The following SGCA variants were observed in gnomAD, a reference collection of about 807,000 sequenced individuals.
The protein encoded by SGCA is sarcoglycan alpha.
SGCA carries 34 observed loss-of-function variants against 38.1 expected under a neutral mutation model. The ratio of observed to expected loss-of-function variants is 0.89; its 90% CI spans 0.68 to 1.19. The LOEUF is 1.19. Among genes scored for constraint, SGCA ranks in the 50% most tolerant of loss-of-function variants. The probability of loss-of-function intolerance (pLI) is 0.00; values close to 1 mark genes in which losing one functional copy is unlikely to be tolerated. For missense variants in SGCA, 476 were observed against 524.9 expected (o/e 0.91, Z 0.91); for synonymous variants, 209 against 214.6 (o/e 0.97, Z 0.23).
At position 50,166,079 on chromosome 17, in the gene SGCA, C is replaced by G. The variant is rs112500642; in HGVS notation, c.37+2C>G. On this transcript the variant is annotated splice_donor_variant, in intron 1 of 9. Transcript: ENST00000262018. LOFTEE classifies it high-confidence loss of function. ...TCTTCTGGACTCCTCTCCTCGTGGG[C>G]AAGTTGGGGCCTTGTTCAGCGGGGA... 1.2e-6 allele frequency: 2 copies of G among 1,612,758 alleles called. No individual in the cohort carries two copies. The highest frequency in any genetic ancestry group is 1.7e-6 in the Non-Finnish European group (2 of 1,178,826).
rs755825098 is a variant in SGCA, at chr17:50,170,365, T to C, written c.956+14T>C. ...GCGGGAGGGAAGGTGAATGTGGGCA[T>C]GAAGGGCGGGGGAGCACCTGCTGGA... On this transcript the variant is annotated intron_variant, in intron 7 of 9. Coordinates refer to ENST00000262018, the MANE Select transcript of SGCA (RefSeq NM_000023.4). 4.3e-6 allele frequency: 7 copies of C among 1,611,154 alleles called. No individual in the cohort carries two copies. The highest frequency in any genetic ancestry group is 4.2e-6 in the Non-Finnish European group (5 of 1,177,708).
chr17:50,169,046 G>T, intron 5 of SGCA, 46 bp from the exon 6 acceptor site: 1 of 1,587,172 alleles, frequency 6.3e-7, no homozygotes, highest in Non-Finnish European at 8.6e-7. Context: ...GGTGCCTCGT[G>T]CCCCCTGCCC....
At position 50,167,380 on chromosome 17, in the gene SGCA, G is replaced by A; in HGVS notation, c.50G>A (p.Gly17Glu). 1.2e-6 allele frequency: 2 copies of A among 1,614,120 alleles called. No homozygotes were observed. The highest frequency in any genetic ancestry group is 1.6e-4 in the Middle Eastern group (1 of 6,062). Residue 17 changes from glycine (G) to glutamate (E), a missense_variant, in exon 2 of 10, where the codon GGG (glycine) becomes GAG (glutamate). Gly to Glu is a moderately conservative substitution (Grantham distance 98). Coordinates refer to ENST00000262018, the MANE Select transcript of SGCA (RefSeq NM_000023.4). This position sits in a 1 kb window ranked among gnomAD's most constrained non-coding sequence, Gnocchi z 4.5. ...GGGGTCCCCACAGTTCTCCTGGCAG[G>A]GCTGGGGGACACCGAGGCCCAGCAG... ...WTPLLVVLLAGLGDTEAQQTT... is the reference protein window; with the variant it reads ...WTPLLVVLLAELGDTEAQQTT...
intron 6 of SGCA, chr17:50,169,463 T>G: frequency 3.8e-6 from 2 of 532,788 alleles, no homozygotes; most frequent in South Asian, 2.5e-5. Flanking sequence ...AGTTCTACCT[T>G]TCCCCCACAA....
rs112764774 is a variant in SGCA at position 50,173,537 on chromosome 17, C to T, written c.984-1720C>T. Among the ~76,000 whole-genome samples the T allele has an allele frequency of 1.8e-3, 273 of 152,318 alleles. 1 individual carries two copies. Among genetic ancestry groups the T allele is most frequent in the African/African-American group, 6.0e-3 (250 of 41,562 alleles). On this transcript the variant is annotated intron_variant, in intron 8 of 9. Transcript: ENST00000262018. ...TGCTCTTGCTCTAGAAAAACATCCC[C>T]AGCACATTTTTCCACCTGTGTGTTG...
At chr17:50,172,074 G>A (rs773123421) in intron 8 of SGCA, 10 of 453,680 alleles carry the variant, frequency 2.2e-5, no homozygotes, top group East Asian at 7.0e-5. Flanking sequence ...CCTCCAGGGC[G>A]GCTGGAAGTC....
At position 50,167,811 on chromosome 17, in the gene SGCA, A is replaced by G; in HGVS notation, c.312+75A>G. The G allele has an allele frequency of 6.4e-7, 1 of 1,574,766 alleles. No individual in the cohort carries two copies. Among genetic ancestry groups the G allele is most frequent in the Non-Finnish European group, 8.7e-7 (1 of 1,145,366 alleles). The stretch of plus-strand genomic sequence containing the variant: ...CCTAGGAGCAGCCCTATGAATTGGG[A>G]TTGGGTGCTCATTCACAGTCATTTA... On this transcript the variant is annotated intron_variant, in intron 3 of 9. Transcript: ENST00000262018. This position sits in a 1 kb window ranked among gnomAD's most constrained non-coding sequence, Gnocchi z 4.5.
Position 50,167,217 on chromosome 17 carries a change from C to G in SGCA, c.38-151C>G. The G allele has an allele frequency of 4.5e-6, 5 of 1,102,670 alleles. No individual in the cohort carries two copies. Among genetic ancestry groups the G allele is most frequent in the Non-Finnish European group, 5.2e-6 (4 of 769,354 alleles). The allele number at this position is 1,102,670 out of a possible 1,614,324, so 68.3% of individuals were successfully genotyped here. A position where few individuals can be genotyped will look rare whatever the true frequency, so the allele number is the denominator to read the frequency against. ...TCTAGCCCAGCAGGGCTTGCTCCCC[C>G]ATCCCCACCCCAATCCCTTCCTGGG... On this transcript the variant is annotated intron_variant, in intron 1 of 9. Coordinates refer to ENST00000262018, the MANE Select transcript of SGCA (RefSeq NM_000023.4). The surrounding 1 kb of genome is among the most constrained non-coding windows in gnomAD (Gnocchi z 4.5).
rs752418232 is a variant in SGCA, at chr17:50,170,364, A to G, written c.956+13A>G. 1.2e-6 allele frequency: 2 copies of G among 1,611,572 alleles called. No individual in the cohort carries two copies. The highest frequency in any genetic ancestry group is 3.3e-5 in the Admixed American group (2 of 59,988). ...GGCGGGAGGGAAGGTGAATGTGGGCATGAAGGGCGGGGGAGCACCTGCTGG... is the reference window on the plus strand; with the variant it reads ...GGCGGGAGGGAAGGTGAATGTGGGCGTGAAGGGCGGGGGAGCACCTGCTGG... On this transcript the variant is annotated intron_variant, in intron 7 of 9. Coordinates refer to ENST00000262018, the MANE Select transcript of SGCA (RefSeq NM_000023.4).
At chr17:50,174,565 T>C (rs1370507060) in intron 8 of SGCA, among the ~76,000 whole-genome samples, 4 of 152,138 alleles carry the variant, frequency 2.6e-5, no homozygotes, top group Admixed American at 6.5e-5. Context: ...CAGGCTGGCC[T>C]TGAACTCTTG....
At chr17:50,170,777 AT>A in intron 8 of SGCA, 111 bp downstream of exon 8, 14 of 902,810 alleles carry the variant, frequency 1.6e-5, no homozygotes, top group Non-Finnish European at 1.8e-5. Flanking sequence ...CTCCAGGGTG[AT>A]GCTCACCCCT....
In SGCA at chr17:50,170,126, C is replaced by G. The variant is rs1241612433; in HGVS notation, c.748-17C>G. The G allele has an allele frequency of 6.2e-7, 1 of 1,612,358 alleles. No individual in the cohort carries two copies. The highest frequency in any genetic ancestry group is 8.5e-7 in the Non-Finnish European group (1 of 1,178,572). ...CAGCCAGCCACTTCCTGCGTCAGCC[C>G]TGAGCTCTCTGTGCAGGTGGATAAG... On this transcript the variant is annotated splice_polypyrimidine_tract_variant and intron_variant, in intron 6 of 9. Transcript: ENST00000262018.
At chr17:50,171,397 A>G in intron 8 of SGCA, 1 of 416,736 alleles carries the variant, frequency 2.4e-6, no homozygotes, top group Non-Finnish European at 4.8e-6. Flanking sequence ...CTCTCCCAAT[A>G]CCCTGAACCC....
intron 4 of SGCA, 127 bp downstream of exon 4, chr17:50,168,146 G>A (rs1016090831): frequency 4.2e-6 from 4 of 943,040 alleles, no homozygotes; most frequent in East Asian, 5.0e-5. Flanking sequence ...TGGAAAGTGG[G>A]GACAAGGCTC....
chr17:50,171,994 G>A (rs746390681), intron 8 of SGCA: 3 of 456,582 alleles, frequency 6.6e-6, no homozygotes, highest in Non-Finnish European at 1.3e-5. Context: ...CAACAGCACT[G>A]ATGGAGACAG....
Position 50,167,930 on chromosome 17 carries a change from T to G in SGCA, c.313-17T>G. ...TCTCCCCTAACCCACTTCTCAGATG[T>G]CTTTCCCATCCCCCAGGTCACAGCC... On this transcript the variant is annotated splice_polypyrimidine_tract_variant and intron_variant, in intron 3 of 9. Transcript: ENST00000262018. This position sits in a 1 kb window ranked among gnomAD's most constrained non-coding sequence, Gnocchi z 4.5. The G allele has an allele frequency of 1.2e-6, 2 of 1,613,498 alleles. No individual in the cohort carries two copies. Among genetic ancestry groups the G allele is most frequent in the Non-Finnish European group, 1.7e-6 (2 of 1,179,440 alleles).
At chr17:50,166,830 C>G (rs1165005555) in intron 1 of SGCA, among the ~76,000 whole-genome samples, 1 of 129,230 alleles carries the variant, frequency 7.7e-6, no homozygotes, top group Non-Finnish European at 1.6e-5. Flanking sequence ...CACACACACA[C>G]CCCACACACC....
chr17:50,173,399 G>A (rs1384155225), intron 8 of SGCA, among the ~76,000 whole-genome samples: 4 of 150,406 alleles, frequency 2.7e-5, no homozygotes, highest in Non-Finnish European at 4.4e-5. Context: ...CCTAGGCCAC[G>A]TGTGTGTGTG....
chr17:50,169,080 A>G lies in SGCA; in HGVS notation c.585-12A>G, dbSNP rs1276804409. The G allele has an allele frequency of 3.1e-6, 5 of 1,613,252 alleles. No individual in the cohort carries two copies. The highest frequency in any genetic ancestry group is 2.5e-6 in the Non-Finnish European group (3 of 1,179,706). On this transcript the variant is annotated splice_polypyrimidine_tract_variant and intron_variant, in intron 5 of 9. Transcript: ENST00000262018. ...CCCCACTCTGCTGACAGTGACTTCT[A>G]TCTGGTCCCAGGGTATACATTAAGG...
Sources: gnomAD v4.1 joint callset for allele counts (sites outside exome capture counted in the v4.1 genomes callset) on GRCh38, gnomAD v4.1.1 for gene constraint, Gnocchi (gnomAD v3.1) non-coding constraint, MANE v1.5 for transcripts, NCBI Gene and HGNC (gene_info 2026-07-23, HGNC 2026-07-21) for gene names.